GATC: variants seen among roughly 807,000 people sequenced by gnomAD.
The protein encoded by GATC is glutamyl-tRNA amidotransferase subunit C.
A neutral mutation model predicts 14.4 loss-of-function variants in GATC; 11 were observed. The ratio of observed to expected loss-of-function variants is 0.77; its 90% CI spans 0.48 to 1.27. The LOEUF is 1.27. Ranked by LOEUF, GATC falls within the 50% of genes most tolerant of loss-of-function variation. The pLI, the probability that GATC is intolerant of heterozygous loss-of-function variation, is 0.00. For synonymous variants in GATC, 76 were observed against 79.3 expected (o/e 0.96, Z 0.22); for missense variants, 204 against 183.0 (o/e 1.11, Z -0.66).
In GATC at chr12:120,451,875, C is replaced by CTTTTTTTTTTTTTTTTTTTTTT. The variant is rs1170221029; in HGVS notation, c.254+5066_254+5067insTTTTTTTTTTTTTTTTTTTTTT. On this transcript the variant is annotated intron_variant, in intron 2 of 3. Coordinates refer to ENST00000551765, the MANE Select transcript of GATC (RefSeq NM_176818.3). ...CAGGGGCTAATAAATTATATAAATT[C>CTTTTTTTTTTTTTTTTTTTTTT]TTTTTTTTTTTTTTTTTTTTGAGCT... Among the ~76,000 whole-genome samples the CTTTTTTTTTTTTTTTTTTTTTT allele has an allele frequency of 4.5e-4, 41 of 90,834 alleles. 6 individuals carry two copies. Among genetic ancestry groups the CTTTTTTTTTTTTTTTTTTTTTT allele is most frequent in the African/African-American group, 1.3e-3 (31 of 24,012 alleles). 59.6% of individuals were successfully genotyped at this position (90,834 alleles called of 152,430 possible).
intron 3 of GATC, among the ~76,000 whole-genome samples, chr12:120,459,623 G>A (rs534650009): frequency 7.2e-5 from 11 of 152,266 alleles, no homozygotes; most frequent in Admixed American, 2.0e-4. Context: ...TTGGGAGGCC[G>A]AGGAGGGCGG....
chr12:120,454,975 CT>C (rs1478973521), intron 2 of GATC: 1 of 452,300 alleles, frequency 2.2e-6, no homozygotes, highest in East Asian at 7.0e-5. Flanking sequence ...ACAAACTCTG[CT>C]TCCTACATTC....
intron 3 of GATC, among the ~76,000 whole-genome samples, chr12:120,457,786 T>C (rs1878227354): frequency 1.3e-5 from 2 of 152,050 alleles, no homozygotes; most frequent in Non-Finnish European, 2.9e-5. Flanking sequence ...TTTGTATTTT[T>C]AGTAGAGACA....
chr12:120,451,752 A>G (rs1269351960), intron 2 of GATC, among the ~76,000 whole-genome samples: 2 of 151,970 alleles, frequency 1.3e-5, no homozygotes, highest in South Asian at 4.1e-4. Context: ...AAAAAAACAA[A>G]CAAACAAACA....
At position 120,461,709 on chromosome 12, in the gene GATC, G is replaced by A. The variant is rs1878343811; in HGVS notation, c.*1750G>A. On this transcript the variant is annotated 3_prime_UTR_variant, in exon 4 of 4. Transcript: ENST00000551765. The stretch of plus-strand genomic sequence containing the variant: ...TAAAATATATTTCTAAACAGAATGG[G>A]CCGACTCAGTCACAGTAACTGTTGA... The A allele has an allele frequency of 4.9e-6, 1 of 205,290 alleles. No homozygotes were observed. The highest frequency in any genetic ancestry group is 2.3e-5 in the African/African-American group (1 of 43,244). 12.7% of individuals were successfully genotyped at this position (205,290 alleles called of 1,614,324 possible).
chr12:120,451,438 C>T (rs531322605), intron 2 of GATC, among the ~76,000 whole-genome samples: 4 of 151,294 alleles, frequency 2.6e-5, no homozygotes, highest in Non-Finnish European at 4.4e-5. Context: ...AGTGAGACTC[C>T]GTCTTAAAAA....
chr12:120,453,339 C>T (rs1257193458), intron 2 of GATC, among the ~76,000 whole-genome samples: 1 of 152,194 alleles, frequency 6.6e-6, no homozygotes, highest in Non-Finnish European at 1.5e-5. Flanking sequence ...AAGTCTTTCT[C>T]AACCAGGGTT....
intron 2 of GATC, among the ~76,000 whole-genome samples, chr12:120,449,762 T>C (rs2137038794): frequency 6.6e-6 from 1 of 150,420 alleles, no homozygotes; most frequent in East Asian, 2.0e-4. Flanking sequence ...AAATGTTTAA[T>C]GAATTTTTTT....
rs747847592 is a variant in GATC at position 120,446,717 on chromosome 12, T to C, written c.142T>C (p.Phe48Leu). ...EHLERLALVD[F>L]GSREAVARLE... Reference sequence around the variant, plus strand: ...CCTGGAGCGTCTAGCGCTTGTGGACTTCGGCAGCCGCGAGGCAGTGGCGCG... The same window carrying C: ...CCTGGAGCGTCTAGCGCTTGTGGACCTCGGCAGCCGCGAGGCAGTGGCGCG... Residue 48 changes from phenylalanine to leucine, a missense_variant, in exon 2 of 4, where the codon TTC becomes CTC. Phe to Leu is a conservative substitution (Grantham distance 22). Transcript: ENST00000551765. 4.3e-6 allele frequency: 7 copies of C among 1,613,752 alleles called. No homozygotes were observed. Among genetic ancestry groups the C allele is most frequent in the Non-Finnish European group, 5.1e-6 (6 of 1,180,030 alleles).
intron 3 of GATC, 104 bp downstream of exon 3, chr12:120,457,283 G>A (rs913169399): frequency 3.6e-6 from 3 of 827,608 alleles, no homozygotes; most frequent in Non-Finnish European, 6.2e-6. Context: ...ACTTTGAAAA[G>A]GATGAAGTGC....
intron 2 of GATC, among the ~76,000 whole-genome samples, chr12:120,447,621 C>T (rs1413931835): frequency 6.6e-6 from 1 of 152,172 alleles, no homozygotes; most frequent in Non-Finnish European, 1.5e-5. Flanking sequence ...CAAATCCCTT[C>T]TCCCCTTCTA....
At chr12:120,453,483 T>C (rs1416400383) in intron 2 of GATC, among the ~76,000 whole-genome samples, 2 of 152,144 alleles carry the variant, frequency 1.3e-5, no homozygotes, top group East Asian at 3.8e-4. Flanking sequence ...TCTTGGGGTA[T>C]GTAGGCTAAC....
In GATC at chr12:120,446,733, C is replaced by T; in HGVS notation, c.158C>T (p.Ala53Val). ...CTTGTGGACTTCGGCAGCCGCGAGG[C>T]AGTGGCGCGACTGGAGAAAGCTATC... ...LALVDFGSRE[A>V]VARLEKAIAF... The change falls in exon 2 of 4, where the codon GCA (alanine) becomes GTA (valine). Residue 53 changes from alanine to valine, a missense_variant. Coordinates refer to ENST00000551765, the MANE Select transcript of GATC (RefSeq NM_176818.3). The T allele has an allele frequency of 6.2e-7, 1 of 1,614,034 alleles. No homozygotes were observed. Among genetic ancestry groups the T allele is most frequent in the African/African-American group, 1.3e-5 (1 of 75,072 alleles).
intron 2 of GATC, among the ~76,000 whole-genome samples, chr12:120,456,108 A>C (rs1878177661): frequency 6.6e-6 from 1 of 152,284 alleles, no homozygotes; most frequent in South Asian, 2.1e-4. Flanking sequence ...AAGCAGGAGG[A>C]GCGTGGCTAC....
chr12:120,455,293 C>T (rs944910699), intron 2 of GATC, among the ~76,000 whole-genome samples: 5 of 152,018 alleles, frequency 3.3e-5, no homozygotes, highest in Admixed American at 6.6e-5. Context: ...CTCAGCCTCC[C>T]GAGTAGTTGG....
Position 120,463,681 on chromosome 12 carries a change from T to G in GATC, c.*3722T>G. 1 of 302,512 alleles carries G rather than the reference T, an allele frequency of 3.3e-6. No homozygotes were observed. The allele number at this position is 302,512 out of a possible 1,614,324, so 18.7% of individuals were successfully genotyped here. Reference sequence around the variant, plus strand: ...CGACTGCACTAGTATTCTCTCCAGGTTACAAATACCATGACCAAACTGTGT... The same window carrying G: ...CGACTGCACTAGTATTCTCTCCAGGGTACAAATACCATGACCAAACTGTGT... On this transcript the variant is annotated 3_prime_UTR_variant, in exon 4 of 4. Transcript: ENST00000551765.
rs767105261 is a variant in GATC at position 120,463,740 on chromosome 12, A to G, written c.*3781A>G. ...ACTAATATGCAGAATAAAGCATATT[A>G]AAAAACAAACGTACCATGAATGCAT... On this transcript the variant is annotated 3_prime_UTR_variant, in exon 4 of 4. Coordinates refer to ENST00000551765, the MANE Select transcript of GATC (RefSeq NM_176818.3). 5.7e-6 allele frequency: 3 copies of G among 522,976 alleles called. No individual in the cohort carries two copies. The highest frequency in any genetic ancestry group is 9.9e-6 in the Non-Finnish European group (3 of 301,666). The allele number at this position is 522,976 out of a possible 1,614,324, so 32.4% of individuals were successfully genotyped here.
Position 120,460,670 on chromosome 12 carries a change from C to T in GATC, c.*711C>T, listed in dbSNP as rs1166190722. The T allele has an allele frequency of 1.3e-5, 2 of 152,020 alleles. No individual in the cohort carries two copies. Among genetic ancestry groups the T allele is most frequent in the Non-Finnish European group, 2.9e-5 (2 of 68,028 alleles). 9.4% of individuals were successfully genotyped at this position (152,020 alleles called of 1,614,324 possible). A position where few individuals can be genotyped will look rare whatever the true frequency, so the allele number is the denominator to read the frequency against. ...AATGATTATTAAATTGAGATGAGTC[C>T]AGGATAAAACTCAGATACCAAGGAT... is the stretch of plus-strand genomic sequence containing the variant. On this transcript the variant is annotated 3_prime_UTR_variant, in exon 4 of 4. Coordinates refer to ENST00000551765, the MANE Select transcript of GATC (RefSeq NM_176818.3).
Position 120,462,445 on chromosome 12 carries a change from C to A in GATC, c.*2486C>A. ...TTGATACTCAATTAACTATGATAAA[C>A]AATATATCTGAATTACTGCCATTGA... On this transcript the variant is annotated 3_prime_UTR_variant, in exon 4 of 4. Coordinates refer to ENST00000551765, the MANE Select transcript of GATC (RefSeq NM_176818.3). 3.6e-6 allele frequency: 1 copy of A among 280,658 alleles called. No homozygotes were observed. Among genetic ancestry groups the A allele is most frequent in the Non-Finnish European group, 6.7e-6 (1 of 148,308 alleles). The allele number at this position is 280,658 out of a possible 1,614,324, so 17.4% of individuals were successfully genotyped here. A position where few individuals can be genotyped will look rare whatever the true frequency, so the allele number is the denominator to read the frequency against.
Sources: allele counts gnomAD v4.1 joint callset (sites outside exome capture counted in the v4.1 genomes callset), GRCh38; gene constraint gnomAD v4.1.1; transcripts MANE v1.5; gene names NCBI Gene and HGNC (gene_info 2026-07-23, HGNC 2026-07-21).